Variants in KIF6 observed in about 807,000 individuals in gnomAD.
KIF6 encodes the protein kinesin family member 6, also known as kinesin-like protein KIF6.
KIF6 carries 106 observed loss-of-function variants against 112.7 expected under a neutral mutation model. The observed-to-expected ratio is 0.94, with a 90% CI of 0.80 to 1.11. KIF6 has a LOEUF of 1.11. Ranked by LOEUF, KIF6 falls within the 50% of genes least tolerant of loss-of-function variation. KIF6 has a pLI of 0.00. For synonymous variants in KIF6, 339 were observed against 339.9 expected (o/e 1.00, Z 0.03); for missense variants, 929 against 964.0 (o/e 0.96, Z 0.48).
At chr6:39,529,938 T>G (rs1427998431) in intron 13 of KIF6, among the ~76,000 whole-genome samples, 3 of 152,252 alleles carry the variant, frequency 2.0e-5, no homozygotes, top group Non-Finnish European at 4.4e-5. Context: ...ACCTGCTCTG[T>G]AATGCTTTTC....
chr6:39,550,133 G>C (rs908508117), intron 10 of KIF6, among the ~76,000 whole-genome samples: 1 of 152,128 alleles, frequency 6.6e-6, no homozygotes, highest in Non-Finnish European at 1.5e-5. Context: ...ATGTTTAACT[G>C]TTTTAAAAAA....
intron 10 of KIF6, among the ~76,000 whole-genome samples, chr6:39,551,464 G>A (rs1041752322): frequency 6.6e-6 from 1 of 152,064 alleles, no homozygotes; most frequent in African/African-American, 2.4e-5. Flanking sequence ...ATAATTTATT[G>A]TATATTTCGA....
At chr6:39,463,785 C>T (rs1475312100) in intron 13 of KIF6, among the ~76,000 whole-genome samples, 1 of 152,058 alleles carries the variant, frequency 6.6e-6, no homozygotes, top group Non-Finnish European at 1.5e-5. Flanking sequence ...AATCTTGGAC[C>T]CTTTGGATGC....
intron 3 of KIF6, among the ~76,000 whole-genome samples, chr6:39,663,049 A>T (rs1786258178): frequency 6.6e-6 from 1 of 151,916 alleles, no homozygotes; most frequent in Non-Finnish European, 1.5e-5. Context: ...GCACACCGCC[A>T]TGCCTGGCTA....
chr6:39,498,581 A>G (rs1449121152), intron 13 of KIF6, among the ~76,000 whole-genome samples: 1 of 152,136 alleles, frequency 6.6e-6, no homozygotes, highest in Non-Finnish European at 1.5e-5. Flanking sequence ...TACTCCATCT[A>G]TTGTTGTAGT....
chr6:39,356,614 C>T (rs1375930659), intron 19 of KIF6, among the ~76,000 whole-genome samples: 1 of 152,166 alleles, frequency 6.6e-6, no homozygotes, highest in African/African-American at 2.4e-5. Context: ...TGTGAGGGCT[C>T]AGCACCCCTT....
At chr6:39,540,380 A>G (rs1248253462) in intron 12 of KIF6, among the ~76,000 whole-genome samples, 159 bp from the exon 13 acceptor site, 1 of 152,240 alleles carries the variant, frequency 6.6e-6, no homozygotes, top group Admixed American at 6.5e-5. Context: ...ATAGCAATGG[A>G]CAATTTAGGA....
intron 13 of KIF6, among the ~76,000 whole-genome samples, chr6:39,525,474 G>T (rs149604116): frequency 4.0e-4 from 61 of 152,280 alleles, no homozygotes; most frequent in Middle Eastern, 3.4e-3. Context: ...AGCCTTTTAG[G>T]CTGGGTGCAA....
intron 17 of KIF6, among the ~76,000 whole-genome samples, chr6:39,362,144 C>G (rs7753481): frequency 2.0e-5 from 3 of 151,800 alleles, no homozygotes; most frequent in Non-Finnish European, 2.9e-5. Flanking sequence ...GCCATAGGCA[C>G]GCGGAAAACC....
intron 3 of KIF6, chr6:39,691,198 T>C (rs1331298980): frequency 1.3e-5 from 2 of 152,092 alleles, no homozygotes; most frequent in African/African-American, 4.8e-5. Context: ...CAAAGCTCCA[T>C]GTAGTAAGGA....
chr6:39,648,212 CG>C (rs937731917), intron 3 of KIF6, among the ~76,000 whole-genome samples: 3 of 58,386 alleles, frequency 5.1e-5, no homozygotes, highest in Admixed American at 2.4e-4. Context: ...TTAGTAGAGA[CG>C]GGGGGCGGGC....
In KIF6 at chr6:39,487,997, C is replaced by CTATCTATG. The variant is rs1238319633; in HGVS notation, c.1645+52005_1645+52006insCATAGATA. On this transcript the variant is annotated intron_variant, in intron 13 of 22. Transcript: ENST00000287152. ...TATACTTGCATTTATAGGCATCTAT[C>CTATCTATG]TATCTATCTATCTATCTAATCATCC... is the stretch of plus-strand genomic sequence containing the variant. 5.9e-4 allele frequency among the ~76,000 whole-genome samples: 90 copies of CTATCTATG among 152,124 alleles called. 1 individual carries two copies. The highest frequency in any genetic ancestry group is 2.0e-3 in the African/African-American group (84 of 41,488).
At chr6:39,422,514 G>A (rs1770446363) in intron 14 of KIF6, among the ~76,000 whole-genome samples, 1 of 152,178 alleles carries the variant, frequency 6.6e-6, no homozygotes, top group Non-Finnish European at 1.5e-5. Context: ...CGTCACTCTG[G>A]AAGTTGTCAC....
intron 13 of KIF6, among the ~76,000 whole-genome samples, chr6:39,499,662 G>T (rs1055119342): frequency 1.3e-5 from 2 of 152,216 alleles, no homozygotes; most frequent in African/African-American, 2.4e-5. Context: ...CAAAATGTTT[G>T]GCTTGAGAAT....
chr6:39,513,380 C>G (rs1776891121), intron 13 of KIF6, among the ~76,000 whole-genome samples: 1 of 152,190 alleles, frequency 6.6e-6, no homozygotes. Context: ...CCCCACTCAC[C>G]ACAATCCACA....
chr6:39,667,732 T>G (rs1447779941), intron 3 of KIF6, among the ~76,000 whole-genome samples: 1 of 152,202 alleles, frequency 6.6e-6, no homozygotes, highest in African/African-American at 2.4e-5. Flanking sequence ...TACTGAGATT[T>G]TAGATGTTAG....
intron 13 of KIF6, among the ~76,000 whole-genome samples, chr6:39,538,425 T>G (rs1431626520): frequency 1.3e-5 from 2 of 151,824 alleles, no homozygotes; most frequent in Non-Finnish European, 2.9e-5. Flanking sequence ...CAGACACTTC[T>G]CAAAAGAAGA....
intron 15 of KIF6, among the ~76,000 whole-genome samples, chr6:39,396,790 T>C (rs1295300212): frequency 6.6e-6 from 1 of 152,098 alleles, no homozygotes; most frequent in Non-Finnish European, 1.5e-5. Context: ...GTCATCATGG[T>C]GGTGGTAGTA....
chr6:39,507,701 T>TCCC, intron 13 of KIF6, among the ~76,000 whole-genome samples: 1 of 143,046 alleles, frequency 7.0e-6, no homozygotes, highest in African/African-American at 2.6e-5. Context: ...CCTTCCTTCC[T>TCCC]TCCTCCCTCC....
Sources: allele counts gnomAD v4.1 joint callset (sites outside exome capture counted in the v4.1 genomes callset), GRCh38; gene constraint gnomAD v4.1.1; transcripts MANE v1.5; gene names NCBI Gene and HGNC (gene_info 2026-07-23, HGNC 2026-07-21).